Variants in SHISA9 observed in about 807,000 individuals in gnomAD.
SHISA9 encodes the protein protein shisa-9.
Under a neutral mutation model 38.0 loss-of-function variants are expected in SHISA9, and 13 were observed. That is an observed-to-expected ratio of 0.34 (90% CI 0.22 to 0.54). The LOEUF is 0.54. SHISA9 is among the 20% of genes least tolerant of loss of function. SHISA9 has a pLI of 0.91. For missense variants in SHISA9, 538 were observed against 575.8 expected (o/e 0.93, Z 0.67); for synonymous variants, 275 against 242.0 (o/e 1.14, Z -1.27).
chr16:13,136,802 C>T (rs61340443), intron 2 of SHISA9, among the ~76,000 whole-genome samples: 1 of 152,034 alleles, frequency 6.6e-6, no homozygotes, highest in Admixed American at 6.6e-5. Context: ...ATTACGGCAG[C>T]CTTTTGTTCC....
chr16:13,479,836 T>A, the SHISA9 span, among the ~76,000 whole-genome samples: 1 of 152,194 alleles, frequency 6.6e-6, no homozygotes, highest in Admixed American at 6.5e-5. Flanking sequence ...GATTCCCATG[T>A]GTGTGAAAAT....
the SHISA9 span, among the ~76,000 whole-genome samples, chr16:13,330,519 T>G: frequency 6.6e-6 from 1 of 152,176 alleles, no homozygotes; most frequent in Admixed American, 6.5e-5. Flanking sequence ...ATTCTATGAA[T>G]GTACAAGCAA....
the SHISA9 span, among the ~76,000 whole-genome samples, chr16:13,470,008 A>G: frequency 6.6e-6 from 1 of 152,202 alleles, no homozygotes; most frequent in East Asian, 1.9e-4. Flanking sequence ...CCAATATTGT[A>G]GCCAGTTCTC....
chr16:13,389,305 A>C, the SHISA9 span, among the ~76,000 whole-genome samples: 1 of 152,040 alleles, frequency 6.6e-6, no homozygotes. Flanking sequence ...ATTGTCATTG[A>C]GTTGGGATCA....
chr16:13,227,322 A>T (rs2051289254), intron 4 of SHISA9, among the ~76,000 whole-genome samples: 1 of 152,236 alleles, frequency 6.6e-6, no homozygotes, highest in South Asian at 2.1e-4. Context: ...ACAATGTTCA[A>T]AGGGGGTAGG....
At chr16:13,210,550 C>T (rs916442189) in intron 3 of SHISA9, among the ~76,000 whole-genome samples, 1 of 152,324 alleles carries the variant, frequency 6.6e-6, no homozygotes, top group East Asian at 1.9e-4. Flanking sequence ...AGCAACAATA[C>T]ACTTCAATAT....
In SHISA9 at chr16:13,086,388, T is replaced by A. The variant is rs116718898; in HGVS notation, c.692-117006T>A. On this transcript the variant is annotated intron_variant, in intron 2 of 4. Transcript: ENST00000558583. ...AAAAAAAAAAAAAGAAGAAGAATAT[T>A]GTCATTGAAATTAAATAGTCAATTT... Among the ~76,000 whole-genome samples, 1,144 of 150,446 alleles carry A rather than the reference T, an allele frequency of 7.6e-3. 15 individuals carry two copies. The highest frequency in any genetic ancestry group is 0.025 in the African/African-American group (1,027 of 40,636).
chr16:13,204,099 A>T (rs954026082), intron 3 of SHISA9, among the ~76,000 whole-genome samples: 1 of 151,930 alleles, frequency 6.6e-6, no homozygotes, highest in Admixed American at 6.6e-5. Context: ...TATCTATATC[A>T]TCTGTCTACC....
chr16:13,212,979 A>G (rs1305143182), intron 3 of SHISA9, among the ~76,000 whole-genome samples: 1 of 152,230 alleles, frequency 6.6e-6, no homozygotes, highest in Non-Finnish European at 1.5e-5. Flanking sequence ...TTTCTGCCTT[A>G]CGTAACTGAA....
intron 2 of SHISA9, among the ~76,000 whole-genome samples, chr16:13,124,289 AAC>A (rs1416319278): frequency 6.6e-6 from 1 of 152,212 alleles, no homozygotes; most frequent in African/African-American, 2.4e-5. Context: ...GGGGATAATG[AAC>A]AGTCACCAAA....
chr16:12,955,660 G>C (rs1052338238), intron 2 of SHISA9, among the ~76,000 whole-genome samples: 1 of 150,930 alleles, frequency 6.6e-6, no homozygotes, highest in Admixed American at 6.6e-5. Flanking sequence ...ATGGGGAAAG[G>C]ACAGCCTTTT....
At chr16:13,215,001 G>A (rs2051154229) in intron 4 of SHISA9, among the ~76,000 whole-genome samples, 1 of 152,046 alleles carries the variant, frequency 6.6e-6, no homozygotes, top group Admixed American at 6.6e-5. Flanking sequence ...AGTGGAGACT[G>A]GATTAGGGGA....
At chr16:13,553,334 A>G in the SHISA9 span, among the ~76,000 whole-genome samples, 3 of 152,216 alleles carry the variant, frequency 2.0e-5, no homozygotes, top group Admixed American at 6.5e-5. Flanking sequence ...TTCCAATATT[A>G]GCAACTACTA....
chr16:13,200,442 A>ACACACACACACACACACACACACACAC (rs1555470817), intron 2 of SHISA9, among the ~76,000 whole-genome samples: 6 of 132,244 alleles, frequency 4.5e-5, no homozygotes, highest in African/African-American at 1.7e-4. Flanking sequence ...ACACACACAC[A>ACACACACACACACACACACACACACAC]GCAGCAGCAG....
intron 4 of SHISA9, among the ~76,000 whole-genome samples, chr16:13,219,961 AAAAG>A (rs2051206970): frequency 6.6e-6 from 1 of 152,144 alleles, no homozygotes; most frequent in African/African-American, 2.4e-5. Flanking sequence ...CCATCTCAGA[AAAAG>A]AAAAAAAGAA....
chr16:13,206,158 A>G (rs1035201071), intron 3 of SHISA9, among the ~76,000 whole-genome samples: 1 of 152,128 alleles, frequency 6.6e-6, no homozygotes, highest in African/African-American at 2.4e-5. Context: ...CATTAGAACA[A>G]TTCACTTTGA....
chr16:13,362,268 C>A, the SHISA9 span, among the ~76,000 whole-genome samples: 804 of 143,842 alleles, frequency 5.6e-3, 8 homozygotes, highest in African/African-American at 0.017. Context: ...ACAAAAAAAA[C>A]CCCACAAAAA....
At chr16:13,224,059 C>G (rs747694971) in intron 4 of SHISA9, among the ~76,000 whole-genome samples, 8 of 152,150 alleles carry the variant, frequency 5.3e-5, no homozygotes, top group Non-Finnish European at 1.0e-4. Context: ...TAACACCTAC[C>G]TCATTAGGAT....
chr16:13,492,229 T>C, the SHISA9 span, among the ~76,000 whole-genome samples: 2 of 152,262 alleles, frequency 1.3e-5, no homozygotes, highest in South Asian at 4.1e-4. Flanking sequence ...AGCAACATTC[T>C]GTGGGCGAGC....
Sources: allele counts gnomAD v4.1 joint callset (sites outside exome capture counted in the v4.1 genomes callset), GRCh38; gene constraint gnomAD v4.1.1; transcripts MANE v1.5; gene names NCBI Gene and HGNC (gene_info 2026-07-23, HGNC 2026-07-21).